RAPGEF2: variants seen among roughly 807,000 people sequenced by gnomAD.
RAPGEF2 encodes Rap guanine nucleotide exchange factor 2.
Under a neutral mutation model 186.7 loss-of-function variants are expected in RAPGEF2, and 54 were observed. The observed-to-expected ratio is 0.29, with a 90% CI of 0.23 to 0.36. The LOEUF (loss-of-function observed/expected upper bound fraction) is 0.36, where lower values mean the gene tolerates loss of function less well. Among genes scored for constraint, RAPGEF2 ranks in the 10% least tolerant of loss-of-function variants. The pLI, the probability that RAPGEF2 is intolerant of heterozygous loss-of-function variation, is 1.00. For synonymous variants in RAPGEF2, 712 were observed against 705.9 expected (o/e 1.01, Z -0.14); for missense variants, 1,532 against 2,045.0 (o/e 0.75, Z 4.84).
intron 7 of RAPGEF2, among the ~76,000 whole-genome samples, chr4:159,247,764 T>C (rs1457697919): frequency 7.0e-6 from 1 of 142,922 alleles, no homozygotes; most frequent in African/African-American, 2.6e-5. Context: ...TCTTTTTTTT[T>C]TTTTTTTTTT....
chr4:159,315,835 A>G (rs937781518), intron 9 of RAPGEF2, among the ~76,000 whole-genome samples: 2 of 152,224 alleles, frequency 1.3e-5, no homozygotes, highest in Non-Finnish European at 2.9e-5. Flanking sequence ...CCAGGTGTAC[A>G]GGATGGAACA....
At chr4:159,254,161 C>G (rs1260690901) in intron 7 of RAPGEF2, among the ~76,000 whole-genome samples, 4 of 152,158 alleles carry the variant, frequency 2.6e-5, no homozygotes. Context: ...CACTTTAATA[C>G]TGGCATTTTC....
At chr4:159,339,952 C>G (rs1729158370) in intron 19 of RAPGEF2, among the ~76,000 whole-genome samples, 1 of 152,164 alleles carries the variant, frequency 6.6e-6, no homozygotes, top group African/African-American at 2.4e-5. Flanking sequence ...GCTTATATCA[C>G]ACGTTACTTG....
intron 1 of RAPGEF2, among the ~76,000 whole-genome samples, chr4:159,185,535 A>G (rs567359547): frequency 1.3e-5 from 2 of 152,344 alleles, no homozygotes; most frequent in African/African-American, 2.4e-5. Flanking sequence ...CCTTGAAAAC[A>G]TTGTGCTAAG....
intron 13 of RAPGEF2, among the ~76,000 whole-genome samples, chr4:159,331,106 T>C (rs1199581880): frequency 6.6e-6 from 1 of 152,244 alleles, no homozygotes. Context: ...TTTCTGTCTT[T>C]TGTATTAGCT....
At chr4:159,322,193 A>G (rs2111153413) in intron 9 of RAPGEF2, among the ~76,000 whole-genome samples, 154 bp from the exon 10 acceptor site, 1 of 152,248 alleles carries the variant, frequency 6.6e-6, no homozygotes, top group East Asian at 1.9e-4. Flanking sequence ...TGTACCTGCA[A>G]GAAATTCAGC....
chr4:159,269,900 A>T (rs1417781825), intron 7 of RAPGEF2, among the ~76,000 whole-genome samples: 1 of 152,184 alleles, frequency 6.6e-6, no homozygotes, highest in African/African-American at 2.4e-5. Flanking sequence ...AGGAAAACAC[A>T]TTACTACATT....
intron 8 of RAPGEF2, among the ~76,000 whole-genome samples, chr4:159,304,888 A>T (rs1379357292): frequency 6.6e-6 from 1 of 152,078 alleles, no homozygotes; most frequent in African/African-American, 2.4e-5. Flanking sequence ...CACACTCTGC[A>T]TCCATGTGTA....
intron 4 of RAPGEF2, among the ~76,000 whole-genome samples, chr4:159,232,658 T>A (rs897245843): frequency 6.6e-5 from 10 of 152,208 alleles, no homozygotes; most frequent in Admixed American, 5.9e-4. Context: ...GGGCTAGAAT[T>A]GCTGTGTCAT....
chr4:159,159,847 T>G (rs1744517862), intron 1 of RAPGEF2, among the ~76,000 whole-genome samples: 1 of 152,242 alleles, frequency 6.6e-6, no homozygotes, highest in Non-Finnish European at 1.5e-5. Context: ...ATCCTTTTTC[T>G]TTATTTAGGA....
intron 7 of RAPGEF2, among the ~76,000 whole-genome samples, chr4:159,258,909 T>C (rs1756491570): frequency 6.6e-6 from 1 of 152,202 alleles, no homozygotes; most frequent in African/African-American, 2.4e-5. Context: ...GTACATTAAT[T>C]AATGGGTTGG....
intron 12 of RAPGEF2, 69 bp from the exon 13 acceptor site, chr4:159,330,265 A>ATGTATGTGTGTGTGTG: frequency 1.9e-6 from 1 of 529,620 alleles, no homozygotes; most frequent in Non-Finnish European, 3.3e-6. Flanking sequence ...GTATATGTAT[A>ATGTATGTGTGTGTGTG]TGTGTGTGTG....
chr4:159,193,272 T>C lies in RAPGEF2; in HGVS notation c.197+16T>C. 1 of 1,458,430 alleles carries C rather than the reference T, an allele frequency of 6.9e-7. No individual in the cohort carries two copies. 90.3% of individuals were successfully genotyped at this position (1,458,430 alleles called of 1,614,324 possible). A position where few individuals can be genotyped will look rare whatever the true frequency, so the allele number is the denominator to read the frequency against. On this transcript the variant is annotated intron_variant, in intron 3 of 29. Transcript: ENST00000691494. ...TTTTATACTAGTAGGTGTTTCCTTTTTGTTTGTACAATGTATCTAATCCAG... is the reference window on the plus strand; with the variant it reads ...TTTTATACTAGTAGGTGTTTCCTTTCTGTTTGTACAATGTATCTAATCCAG...
At chr4:159,211,410 G>A (rs1218098295) in intron 4 of RAPGEF2, among the ~76,000 whole-genome samples, 1 of 150,932 alleles carries the variant, frequency 6.6e-6, no homozygotes, top group African/African-American at 2.5e-5. Context: ...AAAATTTTAA[G>A]TATTTTTATT....
At chr4:159,178,910 TTG>T (rs1455143582) in intron 1 of RAPGEF2, among the ~76,000 whole-genome samples, 1 of 152,152 alleles carries the variant, frequency 6.6e-6, no homozygotes, top group African/African-American at 2.4e-5. Context: ...CTTGGATAGG[TTG>T]TGAACAATCA....
At chr4:159,319,704 C>T (rs1426775152) in intron 9 of RAPGEF2, among the ~76,000 whole-genome samples, 1 of 151,632 alleles carries the variant, frequency 6.6e-6, no homozygotes, top group African/African-American at 2.4e-5. Context: ...TGTACATCTA[C>T]TATTTGATCT....
intron 4 of RAPGEF2, among the ~76,000 whole-genome samples, chr4:159,234,482 A>G (rs993055293): frequency 3.3e-5 from 5 of 151,448 alleles, no homozygotes; most frequent in African/African-American, 4.9e-5. Flanking sequence ...TTCCGGGTTC[A>G]GGTGATTATT....
At chr4:159,170,808 G>A (rs1427022156) in intron 1 of RAPGEF2, among the ~76,000 whole-genome samples, 4 of 152,164 alleles carry the variant, frequency 2.6e-5, no homozygotes, top group Middle Eastern at 3.4e-3. Flanking sequence ...CTTTTCAGAT[G>A]TTTTCTACTA....
At position 159,258,622 on chromosome 4, in the gene RAPGEF2, G is replaced by A. The variant is rs117519480; in HGVS notation, c.543+14831G>A. ...GTTTGATATTTATTTCCAGACACTAGATTTTTTAAAAATAAAAATGTATTT... is the reference window on the plus strand; with the variant it reads ...GTTTGATATTTATTTCCAGACACTAAATTTTTTAAAAATAAAAATGTATTT... On this transcript the variant is annotated intron_variant, in intron 7 of 29. Transcript: ENST00000691494. 6.6e-4 allele frequency among the ~76,000 whole-genome samples: 100 copies of A among 152,114 alleles called. 2 individuals carry two copies. The East Asian group carries it at 0.016, about 25-fold the overall frequency.
Sources: allele counts gnomAD v4.1 joint callset (sites outside exome capture counted in the v4.1 genomes callset), GRCh38; gene constraint gnomAD v4.1.1; transcripts MANE v1.5; gene names NCBI Gene and HGNC (gene_info 2026-07-23, HGNC 2026-07-21).